The following SNX14 variants were observed in gnomAD, a reference collection of about 807,000 sequenced individuals.
SNX14 encodes the protein sorting nexin 14.
A neutral mutation model predicts 133.8 loss-of-function variants in SNX14; 93 were observed. That is an observed-to-expected ratio of 0.70 (90% CI 0.59 to 0.83). The LOEUF is 0.83. SNX14 is among the 40% of genes least tolerant of loss of function. SNX14 has a pLI of 0.00. For missense variants in SNX14, 945 were observed against 1,094.9 expected, an observed-to-expected ratio of 0.86 and a Z score of 1.93; for synonymous variants, 368 against 365.6, an observed-to-expected ratio of 1.01 and a Z score of -0.07.
At chr6:85,584,576 A>G (rs970597208) in intron 1 of SNX14, among the ~76,000 whole-genome samples, 1 of 152,218 alleles carries the variant, frequency 6.6e-6, no homozygotes, top group Non-Finnish European at 1.5e-5. Flanking sequence ...ACCCCATCAA[A>G]AAGTGGGCGA....
Position 85,558,144 on chromosome 6 carries a change from A to G in SNX14, c.550-84T>C, listed in dbSNP as rs552108845. On this transcript the variant is annotated intron_variant, in intron 6 of 28. Transcript: ENST00000314673. ...TACACTACAATTATGATATTGGAAT[A>G]TATCTTAAAAATTAGAAGTATTCAG... 13 of 699,396 alleles carry G rather than the reference A, an allele frequency of 1.9e-5. No individual in the cohort carries two copies. In the African/African-American group the frequency reaches 2.4e-4, roughly 13 times the overall value. 43.3% of individuals were successfully genotyped at this position (699,396 alleles called of 1,614,324 possible). A position where few individuals can be genotyped will look rare whatever the true frequency, so the allele number is the denominator to read the frequency against.
chr6:85,548,416 T>C (rs1288612713), intron 8 of SNX14, 40 bp from the exon 9 acceptor site: 2 of 1,422,784 alleles, frequency 1.4e-6, no homozygotes, highest in Non-Finnish European at 1.9e-6. Flanking sequence ...TATTTAGTGA[T>C]TTATATTAGT....
intron 6 of SNX14, among the ~76,000 whole-genome samples, chr6:85,561,522 T>A (rs1197672787): frequency 6.6e-6 from 1 of 152,222 alleles, no homozygotes; most frequent in African/African-American, 2.4e-5. Flanking sequence ...TCTTACTCTT[T>A]CATTCCACTT....
Position 85,549,785 on chromosome 6 carries a change from A to G in SNX14, c.729T>C (p.Tyr243=). Residue 243 remains tyrosine, a synonymous_variant, in exon 8 of 29, where the codon TAT becomes TAC. Transcript: ENST00000314673. ...AAAGCAGTTCAGTAAGTTTCCTTAA[A>G]TAGTGCAATTCATCTCTTCGACTTC... is the stretch of plus-strand genomic sequence containing the variant. The part of the protein sequence containing the change: ...ALRSRRDELH[Y]LRKLTELLFP... The G allele has an allele frequency of 6.2e-7, 1 of 1,614,064 alleles. No homozygotes were observed. Among genetic ancestry groups the G allele is most frequent in the South Asian group, 1.1e-5 (1 of 91,078 alleles).
intron 16 of SNX14, 173 bp from the exon 17 acceptor site, chr6:85,537,097 G>T: frequency 2.0e-6 from 1 of 495,246 alleles, no homozygotes; most frequent in African/African-American, 1.9e-5. Context: ...CATCTCAGAA[G>T]TCAAAAATGA....
intron 1 of SNX14, among the ~76,000 whole-genome samples, chr6:85,591,687 A>G (rs1055538572): frequency 1.3e-5 from 2 of 152,080 alleles, no homozygotes; most frequent in Admixed American, 1.3e-4. Context: ...CAGTTCCCAA[A>G]AGAGGTAGGT....
At chr6:85,588,932 G>A (rs1801912669) in intron 1 of SNX14, 2 of 454,786 alleles carry the variant, frequency 4.4e-6, no homozygotes, top group African/African-American at 2.0e-5. Context: ...GGCTGAAGAG[G>A]AGGGGTTGGT....
At chr6:85,527,116 C>T (rs1300207378) in intron 20 of SNX14, among the ~76,000 whole-genome samples, 1 of 152,028 alleles carries the variant, frequency 6.6e-6, no homozygotes. Flanking sequence ...CCAAAATTAA[C>T]CCAGTCTTAA....
In SNX14 at chr6:85,549,881, T is replaced by G; in HGVS notation, c.635-2A>C. 6.3e-7 allele frequency: 1 copy of G among 1,592,462 alleles called. No homozygotes were observed. The highest frequency in any genetic ancestry group is 2.3e-5 in the East Asian group (1 of 44,410). ...GCTGTAAAAACTCTGTATTTTTTAC[T>G]ATAGAGATTAAAGATAAATATTGAA... On this transcript the variant is annotated splice_acceptor_variant, in intron 7 of 28. Coordinates refer to ENST00000314673, the MANE Select transcript of SNX14 (RefSeq NM_153816.6). LOFTEE classifies it high-confidence loss of function.
intron 1 of SNX14, among the ~76,000 whole-genome samples, chr6:85,580,778 A>C (rs1156246755): frequency 6.6e-6 from 1 of 152,122 alleles, no homozygotes; most frequent in Admixed American, 6.5e-5. Context: ...GCCTGGGGAA[A>C]AGGAAGAGTG....
rs572649193 is a variant in SNX14 at position 85,506,928 on chromosome 6, G to A, written c.2802+305C>T. ...ATACAATGGTGCAGACGATAACACT[G>A]AGCTTGGCCTATTCTAGTGCTAGGA... On this transcript the variant is annotated intron_variant, in intron 28 of 28. Coordinates refer to ENST00000314673, the MANE Select transcript of SNX14 (RefSeq NM_153816.6). 5.9e-5 allele frequency among the ~76,000 whole-genome samples: 9 copies of A among 152,168 alleles called. No individual in the cohort carries two copies. In the East Asian group the frequency reaches 1.7e-3, roughly 30 times the overall value.
chr6:85,582,428 C>T (rs1036891185), intron 1 of SNX14, among the ~76,000 whole-genome samples: 1 of 150,256 alleles, frequency 6.7e-6, no homozygotes, highest in Non-Finnish European at 1.5e-5. Context: ...ACACTGAAAA[C>T]GAGAACTGAA....
intron 21 of SNX14, 37 bp from the exon 22 acceptor site, chr6:85,518,085 T>G (rs563840132): frequency 6.5e-7 from 1 of 1,533,766 alleles, no homozygotes; most frequent in African/African-American, 1.4e-5. Flanking sequence ...TAGGAAGGCA[T>G]AAAACTCTTC....
Position 85,528,310 on chromosome 6 carries a change from A to AT in SNX14, c.1946dup (p.Asn649LysfsTer3). On this transcript the variant is annotated frameshift_variant, in exon 20 of 29. Coordinates refer to ENST00000314673, the MANE Select transcript of SNX14 (RefSeq NM_153816.6). LOFTEE classifies it high-confidence loss of function. Reference sequence around the variant, plus strand: ...CCCTCTTTGACTTTAAGAATTCATAATTTTTGGGGCCAATGATCCTCTTAG... The same window carrying AT: ...CCCTCTTTGACTTTAAGAATTCATAATTTTTTGGGGCCAATGATCCTCTTAG... The AT allele has an allele frequency of 1.9e-6, 3 of 1,613,428 alleles. No individual in the cohort carries two copies. Among genetic ancestry groups the AT allele is most frequent in the Non-Finnish European group, 2.5e-6 (3 of 1,179,670 alleles).
Position 85,547,154 on chromosome 6 carries a change from GT to G in SNX14, c.1065del (p.Lys355AsnfsTer13), listed in dbSNP as rs1785902979. The G allele has an allele frequency of 6.2e-7, 1 of 1,613,844 alleles. No individual in the cohort carries two copies. Among genetic ancestry groups the G allele is most frequent in the Non-Finnish European group, 8.5e-7 (1 of 1,179,936 alleles). On this transcript the variant is annotated frameshift_variant, in exon 12 of 29. Coordinates refer to ENST00000314673, the MANE Select transcript of SNX14 (RefSeq NM_153816.6). LOFTEE classifies it high-confidence loss of function. ...TGCAACACGTGCACTGCGCCTTCTT[GT>G]TTCAGAAAGTTCATAAAACGAAATA... ...DLLFRFMNFL[K>X]QEGAVHVLQF...
chr6:85,575,519 T>A (rs1050904637), intron 1 of SNX14, among the ~76,000 whole-genome samples: 1 of 152,142 alleles, frequency 6.6e-6, no homozygotes, highest in Non-Finnish European at 1.5e-5. Flanking sequence ...TGTCTCCCAA[T>A]AATAAATCTG....
chr6:85,536,995 T>TA, intron 16 of SNX14, 71 bp from the exon 17 acceptor site: 1 of 1,349,772 alleles, frequency 7.4e-7, no homozygotes, highest in Non-Finnish European at 9.5e-7. Context: ...TGAAAACCAT[T>TA]ATTAAAAAAA....
At chr6:85,541,055 A>G (rs1783564110) in intron 15 of SNX14, among the ~76,000 whole-genome samples, 1 of 149,284 alleles carries the variant, frequency 6.7e-6, no homozygotes, top group Admixed American at 6.7e-5. Context: ...GTGCAGTAGC[A>G]CGATCTTGGC....
At chr6:85,588,601 G>A (rs868475116) in intron 1 of SNX14, among the ~76,000 whole-genome samples, 80 of 92,284 alleles carry the variant, frequency 8.7e-4, no homozygotes, top group South Asian at 4.8e-3. Context: ...ATAAATAAAT[G>A]GGCTAATATA....
Sources: gnomAD v4.1 joint callset for allele counts (sites outside exome capture counted in the v4.1 genomes callset) on GRCh38, gnomAD v4.1.1 for gene constraint, MANE v1.5 for transcripts, NCBI Gene and HGNC (gene_info 2026-07-23, HGNC 2026-07-21) for gene names.